WDR59: variants seen among roughly 807,000 people sequenced by gnomAD.
WDR59 encodes the protein GATOR2 complex protein WDR59.
WDR59 carries 100 observed loss-of-function variants against 131.2 expected under a neutral mutation model. The observed-to-expected ratio is 0.76, with a 90% CI of 0.65 to 0.90. The LOEUF (loss-of-function observed/expected upper bound fraction) is 0.90. Among genes scored for constraint, WDR59 ranks in the 40% least tolerant of loss-of-function variants. The pLI is 0.00. For synonymous variants in WDR59, 601 were observed against 466.2 expected, an observed-to-expected ratio of 1.29 and a Z score of -3.72; for missense variants, 1,203 against 1,262.2, an observed-to-expected ratio of 0.95 and a Z score of 0.71.
In WDR59 at chr16:74,912,368, A is replaced by G. The variant is rs201079106; in HGVS notation, c.1225-6T>C. 1 of 1,610,236 alleles carries G rather than the reference A, an allele frequency of 6.2e-7. No homozygotes were observed. The highest frequency in any genetic ancestry group is 2.2e-5 in the East Asian group (1 of 44,784). On this transcript the variant is annotated splice_polypyrimidine_tract_variant and splice_region_variant and intron_variant, in intron 13 of 25. Coordinates refer to ENST00000262144, the MANE Select transcript of WDR59 (RefSeq NM_030581.4). ...CTCCTGTCTGCCGCATCCATCTGCA[A>G]GAGACAAATCCACAATTGCTGTAGA...
Position 74,947,264 on chromosome 16 carries a change from C to T in WDR59, c.445+1255G>A, listed in dbSNP as rs191484317. Among the ~76,000 whole-genome samples, 839 of 152,236 alleles carry T rather than the reference C, an allele frequency of 5.5e-3. 3 individuals are homozygous for T. Among genetic ancestry groups the T allele is most frequent in the African/African-American group, 0.019 (795 of 41,530 alleles). On this transcript the variant is annotated intron_variant, in intron 6 of 25. Transcript: ENST00000262144. ...GGGAGTTCAAGACCAGCTTGACCAA[C>T]GTGGAGAAACCCCATCTTTACTAAA...
intron 8 of WDR59, among the ~76,000 whole-genome samples, chr16:74,937,533 G>A (rs1348719300): frequency 9.2e-5 from 14 of 151,992 alleles, no homozygotes; most frequent in Admixed American, 2.6e-4. Context: ...GCAGAGGCTC[G>A]CTCGGTCGCC....
chr16:74,976,700 C>A (rs2034199355), intron 1 of WDR59, among the ~76,000 whole-genome samples: 1 of 152,148 alleles, frequency 6.6e-6, no homozygotes, highest in South Asian at 2.1e-4. Flanking sequence ...CTTGGCCTCC[C>A]AAAGTGCTGG....
intron 2 of WDR59, among the ~76,000 whole-genome samples, chr16:74,958,893 G>A (rs976195322): frequency 6.6e-6 from 1 of 151,396 alleles, no homozygotes; most frequent in Admixed American, 6.6e-5. Flanking sequence ...AGAAACCCCT[G>A]ACTAATAAAA....
chr16:74,900,178 T>C (rs1965482845), intron 18 of WDR59, among the ~76,000 whole-genome samples: 1 of 152,192 alleles, frequency 6.6e-6, no homozygotes, highest in African/African-American at 2.4e-5. Context: ...CACATACTCA[T>C]TCCTAAAAAG....
intron 18 of WDR59, among the ~76,000 whole-genome samples, chr16:74,897,132 T>C (rs1464546447): frequency 6.6e-6 from 1 of 152,266 alleles, no homozygotes; most frequent in Non-Finnish European, 1.5e-5. Context: ...GCGATGCCTG[T>C]CCAGCTCCAC....
intron 17 of WDR59, 67 bp downstream of exon 17, chr16:74,908,841 C>A: frequency 7.3e-7 from 1 of 1,379,184 alleles, no homozygotes; most frequent in Non-Finnish European, 1.0e-6. Context: ...CTCAGTGGTC[C>A]TTCCCAGGTC....
intron 25 of WDR59, among the ~76,000 whole-genome samples, chr16:74,883,020 CTTTTTTTTTTTT>C (rs948092826): frequency 2.7e-5 from 3 of 111,276 alleles, no homozygotes; most frequent in Admixed American, 1.9e-4. Flanking sequence ...TTGTTTTTTG[CTTTTTTTTTTTT>C]TTTTTTTTTT....
At chr16:74,971,605 G>C (rs1198565998) in intron 1 of WDR59, among the ~76,000 whole-genome samples, 1 of 151,540 alleles carries the variant, frequency 6.6e-6, no homozygotes, top group Non-Finnish European at 1.5e-5. Flanking sequence ...GCTGTTTTTT[G>C]TATTTTTAAT....
intron 18 of WDR59, among the ~76,000 whole-genome samples, chr16:74,896,632 C>CA (rs1965311543): frequency 8.9e-6 from 1 of 112,022 alleles, no homozygotes; most frequent in African/African-American, 3.9e-5. Context: ...AAGACCCTGC[C>CA]TAAAAAAAAA....
intron 10 of WDR59, among the ~76,000 whole-genome samples, chr16:74,919,733 T>C (rs1239102504): frequency 3.9e-5 from 6 of 152,144 alleles, no homozygotes; most frequent in African/African-American, 1.4e-4. Context: ...CAGCAACACC[T>C]GAAACCAAGG....
intron 1 of WDR59, among the ~76,000 whole-genome samples, chr16:74,981,635 TATATATATATA>T (rs2034416392): frequency 1.7e-3 from 43 of 25,742 alleles, no homozygotes; most frequent in African/African-American, 6.4e-3. Flanking sequence ...TATATATATA[TATATATATATA>T]TATATATATA....
intron 25 of WDR59, among the ~76,000 whole-genome samples, chr16:74,877,810 GC>G (rs1964288250): frequency 6.6e-6 from 1 of 152,186 alleles, no homozygotes. Context: ...TTCCCAAAGT[GC>G]TAGGATTACA....
intron 7 of WDR59, among the ~76,000 whole-genome samples, chr16:74,940,391 AAAC>A (rs964324583): frequency 4.6e-5 from 7 of 151,958 alleles, no homozygotes; most frequent in South Asian, 2.1e-4. Flanking sequence ...AAAAAAAAAA[AAAC>A]AACAACAAAA....
intron 25 of WDR59, among the ~76,000 whole-genome samples, chr16:74,884,643 C>T (rs192411171): frequency 5.9e-5 from 9 of 152,252 alleles, no homozygotes; most frequent in Admixed American, 6.5e-5. Context: ...TCACCACGTC[C>T]GGCCAAATCC....
chr16:74,935,966 C>T (rs2031767758), intron 8 of WDR59, among the ~76,000 whole-genome samples: 1 of 149,734 alleles, frequency 6.7e-6, no homozygotes, highest in Admixed American at 6.7e-5. Context: ...CACTGCACTC[C>T]AACCCGGGTG....
chr16:74,892,375 C>G, intron 20 of WDR59, 109 bp downstream of exon 20: 1 of 968,524 alleles, frequency 1.0e-6, no homozygotes, highest in East Asian at 2.5e-5. Flanking sequence ...AAAATGAATT[C>G]CAAATTAAGA....
At chr16:74,898,251 G>A (rs959351375) in intron 18 of WDR59, among the ~76,000 whole-genome samples, 1 of 152,146 alleles carries the variant, frequency 6.6e-6, no homozygotes, top group Non-Finnish European at 1.5e-5. Flanking sequence ...GGGGAAGGGC[G>A]CCATGGTCTA....
chr16:74,976,912 C>G (rs1044525103), intron 1 of WDR59, among the ~76,000 whole-genome samples: 5 of 152,046 alleles, frequency 3.3e-5, no homozygotes, highest in Admixed American at 2.6e-4. Context: ...GAGGCCAAGG[C>G]AGGAGGATCA....
Sources: allele counts gnomAD v4.1 joint callset (sites outside exome capture counted in the v4.1 genomes callset), GRCh38; gene constraint gnomAD v4.1.1; transcripts MANE v1.5; gene names NCBI Gene and HGNC (gene_info 2026-07-23, HGNC 2026-07-21).